Variants in ZNF180 observed in about 807,000 individuals in gnomAD.
ZNF180 encodes zinc finger protein 180.
A neutral mutation model predicts 11.8 loss-of-function variants in ZNF180; 11 were observed. That is an observed-to-expected ratio of 0.93 (90% CI 0.59 to 1.55). The LOEUF (loss-of-function observed/expected upper bound fraction) is 1.55. Among genes scored for constraint, ZNF180 ranks in the 40% most tolerant of loss-of-function variants. The pLI is 0.00. For synonymous variants in ZNF180, 287 were observed against 257.7 expected (o/e 1.11, Z -1.09); for missense variants, 773 against 781.7 (o/e 0.99, Z 0.13).
rs767649421 is a variant in ZNF180 at position 44,476,699 on chromosome 19, TACA to T, written c.1698_1700del (p.Val567del). On this transcript the variant is annotated inframe_deletion, in exon 5 of 5. Transcript: ENST00000592529. ...TTTCTCCAGTATGAGTTCTCTGATG[TACA>T]ACAAGAACATAACTCTGGCTGAAGG... The T allele has an allele frequency of 3.1e-5, 50 of 1,614,060 alleles. No homozygotes were observed. The highest frequency in any genetic ancestry group is 6.7e-5 in the Admixed American group (4 of 60,012).
intron 2 of ZNF180, among the ~76,000 whole-genome samples, chr19:44,486,056 A>G (rs1331353370): frequency 2.0e-5 from 3 of 152,250 alleles, no homozygotes; most frequent in South Asian, 2.1e-4. Flanking sequence ...AATGTCCACT[A>G]GGAAGTGCCT....
intron 2 of ZNF180, among the ~76,000 whole-genome samples, chr19:44,488,962 G>A (rs577298942): frequency 2.9e-4 from 44 of 150,510 alleles, no homozygotes; most frequent in Admixed American, 2.4e-3. Flanking sequence ...CAGCCGCCCC[G>A]TCTGAGAAGT....
At chr19:44,478,276 A>G in intron 4 of ZNF180, 130 bp from the exon 5 acceptor site, 1 of 946,798 alleles carries the variant, frequency 1.1e-6, no homozygotes. Context: ...ACCTAGGTTG[A>G]AAAAGCAAAA....
chr19:44,489,543 TGCTCGTTAAGAGTC>T lies in ZNF180; in HGVS notation c.52-5122_52-5109del, dbSNP rs1287313648. ...GTTAAACAGATGCTTGAAGGCAGCA[TGCTCGTTAAGAGTC>T]GTCACCACTCCCTAATCTCAAGTAC... On this transcript the variant is annotated intron_variant, in intron 2 of 4. Transcript: ENST00000592529. Among the ~76,000 whole-genome samples, 31 of 102,248 alleles carry T rather than the reference TGCTCGTTAAGAGTC, an allele frequency of 3.0e-4. 3 individuals are homozygous for T. The highest frequency in any genetic ancestry group is 9.0e-4 in the African/African-American group (29 of 32,276). The allele number at this position is 102,248 out of a possible 152,430, so 67.1% of individuals were successfully genotyped here. A position where few individuals can be genotyped will look rare whatever the true frequency, so the allele number is the denominator to read the frequency against.
Position 44,500,500 on chromosome 19 carries a change from C to T in ZNF180, c.-269G>A. 1 of 542,080 alleles carries T rather than the reference C, an allele frequency of 1.8e-6. No individual in the cohort carries two copies. The highest frequency in any genetic ancestry group is 2.5e-5 in the South Asian group (1 of 40,178). 33.6% of individuals were successfully genotyped at this position (542,080 alleles called of 1,614,324 possible). ...TGCTCGGCGACAGCAAGCGTCCGCG[C>T]GCGGGACAATGGCTGCTCTTGTGGC... On this transcript the variant is annotated 5_prime_UTR_variant, in exon 1 of 5. Coordinates refer to ENST00000592529, the MANE Select transcript of ZNF180 (RefSeq NM_001278509.3).
intron 2 of ZNF180, among the ~76,000 whole-genome samples, chr19:44,497,079 T>C (rs1284351574): frequency 2.6e-5 from 4 of 152,182 alleles, no homozygotes; most frequent in Non-Finnish European, 5.9e-5. Flanking sequence ...GATGCCAAAT[T>C]CCTTCCAGAA....
chr19:44,497,691 TC>T (rs1970627737), intron 1 of ZNF180, among the ~76,000 whole-genome samples: 1 of 151,876 alleles, frequency 6.6e-6, no homozygotes, highest in Admixed American at 6.6e-5. Flanking sequence ...CACCAGTCCA[TC>T]CCTCTCCTAT....
At chr19:44,484,689 T>C (rs752301864) in intron 2 of ZNF180, 115 of 531,406 alleles carry the variant, frequency 2.2e-4, no homozygotes, top group Admixed American at 6.9e-4. Context: ...GGCCAGCCCA[T>C]TGCAGCTAAA....
intron 4 of ZNF180, among the ~76,000 whole-genome samples, chr19:44,478,953 C>T (rs1600070592): frequency 6.6e-6 from 1 of 152,070 alleles, no homozygotes; most frequent in Non-Finnish European, 1.5e-5. Flanking sequence ...TCCCTTGCTC[C>T]AACTAGGAGA....
chr19:44,490,165 AGGGAGGG>A (rs1970412946), intron 2 of ZNF180, among the ~76,000 whole-genome samples: 1 of 25,928 alleles, frequency 3.9e-5, no homozygotes, highest in African/African-American at 3.1e-4. Flanking sequence ...AAATAGGAGA[AGGGAGGG>A]AGGGAGGGAG....
Position 44,477,977 on chromosome 19 carries a change from T to A in ZNF180, c.423A>T (p.Lys141Asn). The A allele has an allele frequency of 6.2e-7, 1 of 1,614,086 alleles. No individual in the cohort carries two copies. ...CKDQLEKQQE[K>N]QEILLQEVAF... is the part of the protein sequence containing the mutation. ...CCACTTCCTGCAAAAGTATCTCTTGTTTTTCCTGTTGCTTCTCCAACTGGT... is the reference window on the plus strand; with the variant it reads ...CCACTTCCTGCAAAAGTATCTCTTGATTTTCCTGTTGCTTCTCCAACTGGT... The change falls in exon 5 of 5, where the codon AAA becomes AAT. Residue 141 changes from lysine to asparagine, a missense_variant. Physicochemically the swap from Lys to Asn is moderately conservative, Grantham distance 94. Coordinates refer to ENST00000592529, the MANE Select transcript of ZNF180 (RefSeq NM_001278509.3).
intron 2 of ZNF180, among the ~76,000 whole-genome samples, chr19:44,496,964 G>T (rs1970604853): frequency 6.6e-6 from 1 of 152,076 alleles, no homozygotes; most frequent in South Asian, 2.1e-4. Flanking sequence ...AATTCATTCA[G>T]CTATCCTCTT....
intron 2 of ZNF180, chr19:44,484,833 T>A: frequency 5.6e-6 from 1 of 179,790 alleles, no homozygotes; most frequent in African/African-American, 2.4e-5. Flanking sequence ...AATGCCAGAA[T>A]CATAAAGAAA....
intron 3 of ZNF180, among the ~76,000 whole-genome samples, chr19:44,483,070 G>A (rs908137419): frequency 2.0e-5 from 3 of 152,136 alleles, no homozygotes; most frequent in African/African-American, 7.2e-5. Flanking sequence ...AACTGCCCAC[G>A]TTTCACTACA....
intron 2 of ZNF180, among the ~76,000 whole-genome samples, chr19:44,487,175 T>C (rs1970251387): frequency 6.6e-6 from 1 of 152,230 alleles, no homozygotes; most frequent in East Asian, 1.9e-4. Flanking sequence ...GTGTCAATTT[T>C]TTCTCCTTAT....
rs1477246631 is a variant in ZNF180 at position 44,495,321 on chromosome 19, A to G, written c.51+1963T>C. Among the ~76,000 whole-genome samples, 1 of 151,428 alleles carries G rather than the reference A, an allele frequency of 6.6e-6. No individual in the cohort carries two copies. Among genetic ancestry groups the G allele is most frequent in the Non-Finnish European group, 1.5e-5 (1 of 67,802 alleles). The stretch of plus-strand genomic sequence containing the variant: ...CCCAGGGGAGCTCCTCACCCTGCTT[A>G]GGCTTTGACTCCCCGGGCTAGGCTG... On this transcript the variant is annotated intron_variant, in intron 2 of 4. Coordinates refer to ENST00000592529, the MANE Select transcript of ZNF180 (RefSeq NM_001278509.3). The surrounding 1 kb of genome is among the most constrained non-coding windows in gnomAD (Gnocchi z 4.5).
At chr19:44,480,441 T>C (rs1889652499) in intron 3 of ZNF180, among the ~76,000 whole-genome samples, 1 of 152,196 alleles carries the variant, frequency 6.6e-6, no homozygotes, top group African/African-American at 2.4e-5. Context: ...TCCATTTCTA[T>C]TTATTAGGCC....
At position 44,498,549 on chromosome 19, in the gene ZNF180, C is replaced by T. The variant is rs139044654; in HGVS notation, c.-43-1172G>A. Reference sequence around the variant, plus strand: ...GCTCAGGAAGATCCTGTCTTTCCACCAAACTGGGCACCATCAGGCTGTGAT... The same window carrying T: ...GCTCAGGAAGATCCTGTCTTTCCACTAAACTGGGCACCATCAGGCTGTGAT... On this transcript the variant is annotated intron_variant, in intron 1 of 4. Transcript: ENST00000592529. 7.7e-3 allele frequency among the ~76,000 whole-genome samples: 1,171 copies of T among 152,276 alleles called. 5 individuals are homozygous for T. Among genetic ancestry groups the T allele is most frequent in the Middle Eastern group, 0.014 (4 of 294 alleles).
In ZNF180 at chr19:44,477,954, A is replaced by C; in HGVS notation, c.446T>G (p.Val149Gly). 6.2e-7 allele frequency: 1 copy of C among 1,614,038 alleles called. No individual in the cohort carries two copies. Among genetic ancestry groups the C allele is most frequent in the Middle Eastern group, 1.7e-4 (1 of 6,058 alleles). The part of the protein sequence containing the change: ...QEKQEILLQE[V>G]AFTQRKAVIH... ...AACTGCTTTCCTTTGAGTGAATGCCACTTCCTGCAAAAGTATCTCTTGTTT... is the reference window on the plus strand; with the variant it reads ...AACTGCTTTCCTTTGAGTGAATGCCCCTTCCTGCAAAAGTATCTCTTGTTT... The change falls in exon 5 of 5, where the codon GTG becomes GGG. Residue 149 changes from valine to glycine, a missense_variant. Transcript: ENST00000592529.
Sources: gnomAD v4.1 joint callset for allele counts (sites outside exome capture counted in the v4.1 genomes callset) on GRCh38, gnomAD v4.1.1 for gene constraint, Gnocchi (gnomAD v3.1) non-coding constraint, MANE v1.5 for transcripts, NCBI Gene and HGNC (gene_info 2026-07-23, HGNC 2026-07-21) for gene names.